CNTNAP5: variants seen among roughly 807,000 people sequenced by gnomAD.
The protein encoded by CNTNAP5 is contactin-associated protein-like 5.
A neutral mutation model predicts 150.2 loss-of-function variants in CNTNAP5; 72 were observed. That is an observed-to-expected ratio of 0.48 (90% CI 0.40 to 0.58). The LOEUF (loss-of-function observed/expected upper bound fraction) is 0.58, where lower values mean the gene tolerates loss of function less well. CNTNAP5 is among the 20% of genes least tolerant of loss of function. The pLI is 0.00. For missense variants in CNTNAP5, 1,636 were observed against 1,626.2 expected (o/e 1.01, Z -0.10); for synonymous variants, 672 against 619.8 (o/e 1.08, Z -1.25).
At chr2:124,534,349 C>T (rs1452948000) in intron 10 of CNTNAP5, among the ~76,000 whole-genome samples, 1 of 152,176 alleles carries the variant, frequency 6.6e-6, no homozygotes, top group Admixed American at 6.5e-5. Context: ...GGCTACTCCA[C>T]AGGCAGAGCA....
intron 14 of CNTNAP5, among the ~76,000 whole-genome samples, chr2:124,752,708 A>G (rs1202048012): frequency 1.3e-5 from 2 of 152,190 alleles, no homozygotes; most frequent in African/African-American, 4.8e-5. Flanking sequence ...CAACATAATC[A>G]TTCAATCTCT....
intron 1 of CNTNAP5, among the ~76,000 whole-genome samples, chr2:124,194,101 G>A (rs562720682): frequency 6.6e-6 from 1 of 152,014 alleles, no homozygotes; most frequent in Non-Finnish European, 1.5e-5. Flanking sequence ...GGCATATCCA[G>A]AGCCCTTTAT....
intron 17 of CNTNAP5, among the ~76,000 whole-genome samples, chr2:124,773,947 TGA>T (rs70999215): frequency 0.014 from 1,668 of 120,980 alleles, 26 homozygotes; most frequent in African/African-American, 0.052. Context: ...TGTGTGTGTG[TGA>T]GAGAGAGAGA....
At chr2:124,189,976 A>T (rs1415862363) in intron 1 of CNTNAP5, among the ~76,000 whole-genome samples, 2 of 152,150 alleles carry the variant, frequency 1.3e-5, no homozygotes, top group Non-Finnish European at 2.9e-5. Context: ...TTTTAACTTC[A>T]CTGAGTATGT....
intron 3 of CNTNAP5, among the ~76,000 whole-genome samples, chr2:124,249,648 T>C (rs1017025695): frequency 2.6e-5 from 4 of 152,194 alleles, no homozygotes; most frequent in African/African-American, 9.6e-5. Context: ...TGATGTCTCA[T>C]GCCTTCCTAG....
intron 13 of CNTNAP5, among the ~76,000 whole-genome samples, chr2:124,705,723 A>T (rs1679623073): frequency 6.6e-6 from 1 of 152,026 alleles, no homozygotes; most frequent in South Asian, 2.1e-4. Flanking sequence ...CATAAAAATG[A>T]GTAGCGTAAA....
intron 13 of CNTNAP5, among the ~76,000 whole-genome samples, chr2:124,689,327 G>T (rs557511553): frequency 6.6e-6 from 1 of 152,220 alleles, no homozygotes; most frequent in South Asian, 2.1e-4. Flanking sequence ...GCCTAGCCCT[G>T]GGAATGGATT....
At chr2:124,670,141 C>CTTCCTTCCTTCA (rs1486909922) in intron 13 of CNTNAP5, among the ~76,000 whole-genome samples, 5 of 123,598 alleles carry the variant, frequency 4.0e-5, no homozygotes, top group African/African-American at 1.7e-4. Context: ...TCTTTCCTTC[C>CTTCCTTCCTTCA]TTCCTTCCTT....
chr2:124,865,565 C>A, intron 20 of CNTNAP5, 129 bp downstream of exon 20: 1 of 841,472 alleles, frequency 1.2e-6, no homozygotes, highest in Non-Finnish European at 1.8e-6. Context: ...CACTTGCCCC[C>A]AGACTTGGAA....
At chr2:124,534,841 A>C (rs566414764) in intron 10 of CNTNAP5, among the ~76,000 whole-genome samples, 1 of 152,124 alleles carries the variant, frequency 6.6e-6, no homozygotes, top group Non-Finnish European at 1.5e-5. Context: ...TATGACTTGT[A>C]TCTTGTGACA....
chr2:124,588,149 TCC>T lies in CNTNAP5; in HGVS notation c.1757-21651_1757-21650del, dbSNP rs879768335. ...CCTTCCTTTTCCTTCCTTCCTTCCT[TCC>T]TTCCTTTTCCTTCCTTCCTTCCTTC... is the stretch of plus-strand genomic sequence containing the variant. On this transcript the variant is annotated intron_variant, in intron 11 of 23. Transcript: ENST00000682447. 3.5e-3 allele frequency among the ~76,000 whole-genome samples: 496 copies of T among 140,236 alleles called. 9 individuals are homozygous for T. The highest frequency in any genetic ancestry group is 8.3e-3 in the African/African-American group (308 of 37,232). 92.0% of individuals were successfully genotyped at this position (140,236 alleles called of 152,430 possible).
intron 4 of CNTNAP5, among the ~76,000 whole-genome samples, chr2:124,425,914 C>T (rs1816171): frequency 0.98 from 149,201 of 152,276 alleles, 73,164 homozygotes; most frequent in East Asian, 1. Flanking sequence ...TAAAATGATA[C>T]CTACTATGGA....
chr2:124,819,354 C>T (rs1265292391), intron 19 of CNTNAP5, among the ~76,000 whole-genome samples: 1 of 151,990 alleles, frequency 6.6e-6, no homozygotes, highest in Non-Finnish European at 1.5e-5. Context: ...ATTTTCACTA[C>T]CACTTAGGAC....
At chr2:124,824,412 AGAAATAAACAAAAATCTGT>A (rs1682551843) in intron 19 of CNTNAP5, among the ~76,000 whole-genome samples, 4 of 152,218 alleles carry the variant, frequency 2.6e-5, no homozygotes, top group Admixed American at 2.6e-4. Context: ...TTTGATTAAA[AGAAATAAACAAAAATCTGT>A]GATGAAACAG....
At chr2:124,839,848 C>T (rs867642176) in intron 19 of CNTNAP5, among the ~76,000 whole-genome samples, 10 of 152,162 alleles carry the variant, frequency 6.6e-5, no homozygotes, top group East Asian at 1.9e-4. Flanking sequence ...TGGAGAGCTC[C>T]GGAGATCTTT....
At chr2:124,209,543 A>T (rs1423425252) in intron 1 of CNTNAP5, among the ~76,000 whole-genome samples, 3 of 152,120 alleles carry the variant, frequency 2.0e-5, no homozygotes, top group South Asian at 4.1e-4. Flanking sequence ...TTGCCCACAC[A>T]TTTTCCATTT....
intron 10 of CNTNAP5, among the ~76,000 whole-genome samples, chr2:124,545,443 A>G (rs1695490254): frequency 6.6e-6 from 1 of 152,138 alleles, no homozygotes; most frequent in Non-Finnish European, 1.5e-5. Flanking sequence ...GCCCTCAAAC[A>G]TTTGGAAAAC....
At chr2:124,223,657 A>C (rs1220325524) in intron 2 of CNTNAP5, among the ~76,000 whole-genome samples, 1 of 151,806 alleles carries the variant, frequency 6.6e-6, no homozygotes, top group Non-Finnish European at 1.5e-5. Context: ...TTTCTGGGGG[A>C]AGCTGTGGGT....
At chr2:124,676,984 T>G (rs1455632592) in intron 13 of CNTNAP5, among the ~76,000 whole-genome samples, 1 of 152,206 alleles carries the variant, frequency 6.6e-6, no homozygotes, top group African/African-American at 2.4e-5. Flanking sequence ...TCTCAGTTCT[T>G]GACATTTTGG....
Sources: allele counts gnomAD v4.1 joint callset (sites outside exome capture counted in the v4.1 genomes callset), GRCh38; gene constraint gnomAD v4.1.1; transcripts MANE v1.5; gene names NCBI Gene and HGNC (gene_info 2026-07-23, HGNC 2026-07-21).